The following TTC39B variants were observed in gnomAD, a reference collection of about 807,000 sequenced individuals.
TTC39B encodes tetratricopeptide repeat protein 39B.
A neutral mutation model predicts 96.6 loss-of-function variants in TTC39B; 92 were observed. The observed-to-expected ratio is 0.95, with a 90% CI of 0.80 to 1.13. The LOEUF (loss-of-function observed/expected upper bound fraction) is 1.13, where lower values mean the gene tolerates loss of function less well. Ranked by LOEUF, TTC39B falls within the 50% of genes most tolerant of loss-of-function variation. The probability of loss-of-function intolerance (pLI) is 0.00; values close to 1 mark genes in which losing one functional copy is unlikely to be tolerated. For synonymous variants in TTC39B, 367 were observed against 299.4 expected (o/e 1.23, Z -2.33); for missense variants, 955 against 809.3 (o/e 1.18, Z -2.18).
Position 15,199,934 on chromosome 9 carries a change from A to ATG in TTC39B, c.760-10_760-9insCA. 2 of 1,515,070 alleles carry ATG rather than the reference A, an allele frequency of 1.3e-6. No homozygotes were observed. The highest frequency in any genetic ancestry group is 1.8e-6 in the Non-Finnish European group (2 of 1,104,156). 93.9% of individuals were successfully genotyped at this position (1,515,070 alleles called of 1,614,324 possible). A position where few individuals can be genotyped will look rare whatever the true frequency, so the allele number is the denominator to read the frequency against. ...TTGATCATATTTTCATCCTGAAAAT[A>ATG]ATTCAGTTAAAAAATTAGATTATTT... On this transcript the variant is annotated splice_polypyrimidine_tract_variant and intron_variant, in intron 7 of 19. Transcript: ENST00000512701.
intron 1 of TTC39B, among the ~76,000 whole-genome samples, chr9:15,295,918 A>G (rs1824357877): frequency 6.6e-6 from 1 of 151,980 alleles, no homozygotes; most frequent in Non-Finnish European, 1.5e-5. Flanking sequence ...TTGGGGGAGG[A>G]TTTTGGAGTC....
intron 2 of TTC39B, among the ~76,000 whole-genome samples, chr9:15,233,268 C>G (rs1352385622): frequency 6.6e-6 from 1 of 152,162 alleles, no homozygotes; most frequent in African/African-American, 2.4e-5. Flanking sequence ...TGGTTTCCAC[C>G]TGGCCGGTGC....
chr9:15,288,186 T>A (rs1160819557), intron 1 of TTC39B, among the ~76,000 whole-genome samples: 1 of 152,080 alleles, frequency 6.6e-6, no homozygotes, highest in Non-Finnish European at 1.5e-5. Flanking sequence ...TACATCCATA[T>A]GATATGGACA....
chr9:15,285,420 G>T (rs1449290294), intron 1 of TTC39B, among the ~76,000 whole-genome samples: 2 of 152,164 alleles, frequency 1.3e-5, no homozygotes, highest in African/African-American at 4.8e-5. Context: ...ACAACGAAAT[G>T]ATAAATGCTT....
intron 2 of TTC39B, among the ~76,000 whole-genome samples, chr9:15,247,210 G>C (rs1379512340): frequency 6.6e-6 from 1 of 152,202 alleles, no homozygotes; most frequent in African/African-American, 2.4e-5. Flanking sequence ...GGGACTGGTA[G>C]GGAGAATATT....
intron 2 of TTC39B, among the ~76,000 whole-genome samples, chr9:15,238,160 T>C (rs1011349401): frequency 2.0e-5 from 3 of 152,032 alleles, no homozygotes; most frequent in East Asian, 3.9e-4. Context: ...CAACATCATA[T>C]GGAATTGGGA....
chr9:15,288,945 C>G (rs1460008248), intron 1 of TTC39B, among the ~76,000 whole-genome samples: 1 of 152,240 alleles, frequency 6.6e-6, no homozygotes, highest in Non-Finnish European at 1.5e-5. Context: ...CTCTCATAGG[C>G]TATTATTACT....
At chr9:15,223,554 T>C (rs1820961775) in intron 3 of TTC39B, among the ~76,000 whole-genome samples, 1 of 152,168 alleles carries the variant, frequency 6.6e-6, no homozygotes, top group East Asian at 1.9e-4. Flanking sequence ...GCTATCATTT[T>C]CTGTTCAGAC....
At chr9:15,164,803 T>A (rs1479698269) in exon 20 of TTC39B, 1 of 152,152 alleles carries the variant, frequency 6.6e-6, no homozygotes, top group Non-Finnish European at 1.5e-5. Context: ...TGCAACATAT[T>A]TTTGAGAATT....
intron 3 of TTC39B, among the ~76,000 whole-genome samples, chr9:15,223,633 G>A (rs555871632): frequency 1.3e-5 from 2 of 152,228 alleles, no homozygotes; most frequent in South Asian, 4.1e-4. Context: ...GTCATTTTAG[G>A]CTGCTTCACA....
chr9:15,234,899 C>A (rs1821697663), intron 2 of TTC39B, among the ~76,000 whole-genome samples: 2 of 151,904 alleles, frequency 1.3e-5, no homozygotes, highest in Admixed American at 1.3e-4. Context: ...CTGCGGAAGG[C>A]CGCAGGGTCC....
chr9:15,202,598 G>A (rs1250809949), intron 7 of TTC39B, among the ~76,000 whole-genome samples: 1 of 151,904 alleles, frequency 6.6e-6, no homozygotes, highest in Admixed American at 6.6e-5. Context: ...TGTAATCCCA[G>A]CTACTCGGGG....
exon 20 of TTC39B, chr9:15,167,910 T>A (rs1217233557): frequency 6.6e-6 from 1 of 151,758 alleles, no homozygotes; most frequent in Non-Finnish European, 1.5e-5. Context: ...ACATAAGGAG[T>A]TTGGCGGAGG....
At chr9:15,249,817 A>G in intron 2 of TTC39B, 1 of 990,050 alleles carries the variant, frequency 1.0e-6, no homozygotes, top group Non-Finnish European at 1.3e-6. Flanking sequence ...ACTGGAGTTT[A>G]AAAAATTTAC....
intron 2 of TTC39B, chr9:15,249,770 G>C: frequency 1.9e-6 from 1 of 524,568 alleles, no homozygotes; most frequent in Non-Finnish European, 2.7e-6. Context: ...TGAAGACAAT[G>C]TCATCTAACA....
chr9:15,250,530 A>G (rs1822487572), intron 2 of TTC39B, among the ~76,000 whole-genome samples: 1 of 152,234 alleles, frequency 6.6e-6, no homozygotes, highest in Admixed American at 6.5e-5. Flanking sequence ...GAGAAAATCA[A>G]CTTTTCCCCT....
chr9:15,274,545 G>A (rs1056597967), intron 1 of TTC39B, among the ~76,000 whole-genome samples: 17 of 152,170 alleles, frequency 1.1e-4, no homozygotes, highest in Non-Finnish European at 1.0e-4. Context: ...ATCAAAGCAA[G>A]TCCTTTGTGA....
intron 2 of TTC39B, among the ~76,000 whole-genome samples, chr9:15,227,776 T>G (rs1046088966): frequency 1.5e-4 from 23 of 152,304 alleles, no homozygotes; most frequent in African/African-American, 5.3e-4. Flanking sequence ...GTCTCTGAAA[T>G]GTACTGTTAA....
chr9:15,191,545 C>T (rs1313990621), intron 9 of TTC39B, among the ~76,000 whole-genome samples: 2 of 152,116 alleles, frequency 1.3e-5, no homozygotes, highest in African/African-American at 2.4e-5. Context: ...GAAGGTAACC[C>T]CTCAAAGCCC....
Sources: allele counts gnomAD v4.1 joint callset (sites outside exome capture counted in the v4.1 genomes callset), GRCh38; gene constraint gnomAD v4.1.1; transcripts MANE v1.5; gene names NCBI Gene and HGNC (gene_info 2026-07-23, HGNC 2026-07-21).